Variants in GRM1 observed in about 807,000 individuals in gnomAD.
GRM1 encodes glutamate metabotropic receptor 1, also known as metabotropic glutamate receptor 1.
Under a neutral mutation model 90.9 loss-of-function variants are expected in GRM1, and 33 were observed. That is an observed-to-expected ratio of 0.36 (90% confidence interval 0.28 to 0.49). The LOEUF (loss-of-function observed/expected upper bound fraction) is 0.49. Among genes scored for constraint, GRM1 ranks in the 20% least tolerant of loss-of-function variants. The probability of loss-of-function intolerance (pLI) is 0.99; values close to 1 mark genes in which losing one functional copy is unlikely to be tolerated. For missense variants in GRM1, 1,190 were observed against 1,534.3 expected, an observed-to-expected ratio of 0.78 and a Z score of 3.75; for synonymous variants, 700 against 613.2, an observed-to-expected ratio of 1.14 and a Z score of -2.09.
intron 2 of GRM1, among the ~76,000 whole-genome samples, chr6:146,179,599 C>T (rs1354655997): frequency 2.0e-5 from 3 of 152,138 alleles, no homozygotes; most frequent in Admixed American, 1.3e-4. Context: ...CTGCAAGCTC[C>T]GTCTCCCGGG....
chr6:146,243,394 A>C (rs1224494190), intron 2 of GRM1, among the ~76,000 whole-genome samples: 2 of 152,090 alleles, frequency 1.3e-5, no homozygotes, highest in Non-Finnish European at 2.9e-5. Context: ...GAGTAACAGA[A>C]TCCTATCTCT....
At chr6:146,206,583 TA>T (rs1358712915) in intron 2 of GRM1, among the ~76,000 whole-genome samples, 1 of 151,994 alleles carries the variant, frequency 6.6e-6, no homozygotes, top group East Asian at 1.9e-4. Flanking sequence ...TGATCTTAGA[TA>T]CAGACTTGGA....
chr6:146,421,515 C>T (rs1011948918), intron 7 of GRM1, among the ~76,000 whole-genome samples: 1 of 151,902 alleles, frequency 6.6e-6, no homozygotes, highest in Admixed American at 6.6e-5. Flanking sequence ...ACAATACATA[C>T]CAATTTGTCT....
At position 146,258,648 on chromosome 6, in the gene GRM1, G is replaced by C. The variant is rs1030426282; in HGVS notation, c.951-45963G>C. ...GATCCTCCTGCCATGGCCTCTGAAA[G>C]TGCTGAGATTATAGATGTGAGTCAT... On this transcript the variant is annotated intron_variant, in intron 2 of 7. Transcript: ENST00000282753. Among the ~76,000 whole-genome samples, 4 of 152,110 alleles carry C rather than the reference G, an allele frequency of 2.6e-5. No homozygotes were observed. The East Asian group carries it at 7.7e-4, about 29-fold the overall frequency.
In GRM1 at chr6:146,275,884, C is replaced by A. The variant is rs1782342758; in HGVS notation, c.951-28727C>A. Reference sequence around the variant, plus strand: ...CTGCATTGTGGTTTTGCACACATTGCTGGAATTTTCTTCTGATCAACCAAT... The same window carrying A: ...CTGCATTGTGGTTTTGCACACATTGATGGAATTTTCTTCTGATCAACCAAT... On this transcript the variant is annotated intron_variant, in intron 2 of 7. Coordinates refer to ENST00000282753, the MANE Select transcript of GRM1 (RefSeq NM_001278064.2). Among the ~76,000 whole-genome samples, 3 of 152,008 alleles carry A rather than the reference C, an allele frequency of 2.0e-5. No individual in the cohort carries two copies. In the South Asian group the frequency reaches 6.2e-4, roughly 31 times the overall value.
At chr6:146,214,023 G>A (rs1330268341) in intron 2 of GRM1, among the ~76,000 whole-genome samples, 1 of 152,100 alleles carries the variant, frequency 6.6e-6, no homozygotes, top group Non-Finnish European at 1.5e-5. Context: ...AGCTCCCAGA[G>A]AAAAAGAGAG....
At chr6:146,266,061 T>C (rs918024232) in intron 2 of GRM1, among the ~76,000 whole-genome samples, 2 of 151,950 alleles carry the variant, frequency 1.3e-5, no homozygotes, top group African/African-American at 2.4e-5. Flanking sequence ...TGGTGGTGCG[T>C]GCCTGTAATC....
chr6:146,369,379 T>A (rs745421246), intron 5 of GRM1, among the ~76,000 whole-genome samples: 27 of 152,000 alleles, frequency 1.8e-4, no homozygotes, highest in Non-Finnish European at 3.4e-4. Context: ...TGGTTTGCTC[T>A]TGCTTTTCTA....
At chr6:146,403,465 T>C (rs1377046675) in intron 7 of GRM1, among the ~76,000 whole-genome samples, 1 of 152,152 alleles carries the variant, frequency 6.6e-6, no homozygotes, top group Non-Finnish European at 1.5e-5. Context: ...TTTTAAAATA[T>C]AGGTTACTAA....
intron 5 of GRM1, among the ~76,000 whole-genome samples, chr6:146,378,568 C>T (rs1776199117): frequency 6.6e-6 from 1 of 152,162 alleles, no homozygotes; most frequent in Admixed American, 6.5e-5. Context: ...GCCAATTTCT[C>T]CCATTTGGAA....
intron 2 of GRM1, among the ~76,000 whole-genome samples, chr6:146,263,451 A>C (rs938950060): frequency 2.6e-5 from 4 of 152,022 alleles, no homozygotes; most frequent in Non-Finnish European, 2.9e-5. Context: ...TAGGTAATTT[A>C]TATGTTATTC....
At chr6:146,363,029 T>C (rs958198451) in intron 5 of GRM1, among the ~76,000 whole-genome samples, 2 of 152,224 alleles carry the variant, frequency 1.3e-5, no homozygotes, top group African/African-American at 4.8e-5. Context: ...GCAAGCATTA[T>C]TAAATAATGC....
intron 5 of GRM1, among the ~76,000 whole-genome samples, chr6:146,380,902 A>G (rs939826726): frequency 6.6e-6 from 1 of 152,122 alleles, no homozygotes; most frequent in African/African-American, 2.4e-5. Flanking sequence ...CAGGATGTGT[A>G]TAGAAGTGTC....
chr6:146,189,175 C>A (rs2114574951), intron 2 of GRM1, among the ~76,000 whole-genome samples: 1 of 152,256 alleles, frequency 6.6e-6, no homozygotes, highest in Non-Finnish European at 1.5e-5. Flanking sequence ...GTATCATTTT[C>A]TTGTTGTTTC....
chr6:146,081,498 C>A (rs1166837138), intron 1 of GRM1, among the ~76,000 whole-genome samples: 1 of 151,990 alleles, frequency 6.6e-6, no homozygotes, highest in Admixed American at 6.6e-5. Flanking sequence ...GGACATGTCA[C>A]GGCAAGAGTG....
At chr6:146,404,796 G>A (rs1452876616) in intron 7 of GRM1, among the ~76,000 whole-genome samples, 1 of 152,116 alleles carries the variant, frequency 6.6e-6, no homozygotes, top group Non-Finnish European at 1.5e-5. Flanking sequence ...AAATCACAAG[G>A]TGCAATAAAG....
chr6:146,248,217 G>T (rs556866009), intron 2 of GRM1, among the ~76,000 whole-genome samples: 1 of 152,030 alleles, frequency 6.6e-6, no homozygotes, highest in Non-Finnish European at 1.5e-5. Context: ...AAGCCCTATT[G>T]TGATAAGCCC....
chr6:146,281,159 T>C (rs1782552726), intron 2 of GRM1, among the ~76,000 whole-genome samples: 1 of 152,228 alleles, frequency 6.6e-6, no homozygotes, highest in African/African-American at 2.4e-5. Flanking sequence ...TACCTTCTTC[T>C]TGATGGTAAT....
intron 3 of GRM1, among the ~76,000 whole-genome samples, chr6:146,324,461 AAT>A (rs964874366): frequency 1.3e-5 from 2 of 152,092 alleles, no homozygotes; most frequent in African/African-American, 4.8e-5. Flanking sequence ...AATTAAAAAA[AAT>A]AAATAAAATT....
Sources: gnomAD v4.1 joint callset for allele counts (sites outside exome capture counted in the v4.1 genomes callset) on GRCh38, gnomAD v4.1.1 for gene constraint, MANE v1.5 for transcripts, NCBI Gene and HGNC (gene_info 2026-07-23, HGNC 2026-07-21) for gene names.